Variants in UNC79 observed in about 807,000 individuals in gnomAD.
UNC79 encodes the protein protein unc-79 homolog.
A neutral mutation model predicts 283.1 loss-of-function variants in UNC79; 37 were observed. That is an observed-to-expected ratio of 0.13 (90% CI 0.10 to 0.17). UNC79 has a LOEUF of 0.17. Among genes scored for constraint, UNC79 ranks in the 10% least tolerant of loss-of-function variants. UNC79 has a pLI of 1.00. For missense variants in UNC79, 2,272 were observed against 3,211.1 expected (o/e 0.71, Z 7.07); for synonymous variants, 1,107 against 1,200.2 (o/e 0.92, Z 1.61).
chr14:93,533,214 C>T (rs979519629), intron 11 of UNC79, among the ~76,000 whole-genome samples: 1 of 152,100 alleles, frequency 6.6e-6, no homozygotes, highest in African/African-American at 2.4e-5. Context: ...CTGGCCAGTT[C>T]TGTTCCCTCC....
intron 12 of UNC79, among the ~76,000 whole-genome samples, 199 bp downstream of exon 12, chr14:93,538,417 C>A: frequency 1.3e-5 from 2 of 152,316 alleles, no homozygotes; most frequent in South Asian, 4.2e-4. Flanking sequence ...ATGTGCCACG[C>A]ACTATGCTGG....
intron 14 of UNC79, among the ~76,000 whole-genome samples, chr14:93,567,545 C>T (rs147542327): frequency 2.6e-5 from 4 of 152,004 alleles, no homozygotes; most frequent in African/African-American, 7.2e-5. Flanking sequence ...CTTTTCTGTC[C>T]GTCACTTTCC....
chr14:93,684,092 A>G (rs1042587955), intron 42 of UNC79, among the ~76,000 whole-genome samples: 5 of 152,320 alleles, frequency 3.3e-5, no homozygotes, highest in Non-Finnish European at 2.9e-5. Flanking sequence ...ATTTCTAAGT[A>G]TGTAATGCAA....
At chr14:93,624,677 A>G (rs2067419228) in intron 30 of UNC79, among the ~76,000 whole-genome samples, 1 of 152,158 alleles carries the variant, frequency 6.6e-6, no homozygotes, top group Non-Finnish European at 1.5e-5. Flanking sequence ...AAATGGCATA[A>G]TATTATTTTA....
chr14:93,677,583 G>C (rs887465786), intron 41 of UNC79, among the ~76,000 whole-genome samples: 7 of 152,166 alleles, frequency 4.6e-5, no homozygotes, highest in African/African-American at 1.7e-4. Flanking sequence ...TTCAAGGTGA[G>C]ATTTGTGTGG....
At chr14:93,341,160 T>C (rs2053699860) in intron 1 of UNC79, among the ~76,000 whole-genome samples, 1 of 151,982 alleles carries the variant, frequency 6.6e-6, no homozygotes, top group Admixed American at 6.6e-5. Context: ...AATTTAAAAA[T>C]GAAAAGGTGG....
chr14:93,536,612 C>T lies in UNC79; in HGVS notation c.1123-1377C>T, dbSNP rs1025133420. Among the ~76,000 whole-genome samples the T allele has an allele frequency of 1.7e-4, 26 of 152,170 alleles. 1 individual carries two copies. The highest frequency in any genetic ancestry group is 3.3e-4 in the Admixed American group (5 of 15,278). On this transcript the variant is annotated intron_variant, in intron 11 of 48. Transcript: ENST00000555664. ...CAATTTATAAACCTGCTTCATTAAA[C>T]GTGAGTCAAATGCACAAACCTCTTT...
intron 34 of UNC79, among the ~76,000 whole-genome samples, chr14:93,646,038 T>C (rs1281770449): frequency 1.3e-5 from 2 of 152,182 alleles, no homozygotes; most frequent in African/African-American, 4.8e-5. Context: ...TATGATAACA[T>C]ATAGAATATT....
At chr14:93,539,902 T>G (rs2061295250) in intron 12 of UNC79, among the ~76,000 whole-genome samples, 1 of 152,244 alleles carries the variant, frequency 6.6e-6, no homozygotes, top group Admixed American at 6.5e-5. Flanking sequence ...ATAACTTACT[T>G]TTCTCTATCG....
intron 39 of UNC79, among the ~76,000 whole-genome samples, chr14:93,660,553 ATATATATATATG>A (rs1290714615): frequency 1.4e-4 from 15 of 105,382 alleles, no homozygotes; most frequent in Admixed American, 3.7e-4. Flanking sequence ...ATATATATAT[ATATATATATATG>A]TGTGTGTGTG....
chr14:93,436,545 A>G (rs1274770621), intron 1 of UNC79, among the ~76,000 whole-genome samples: 1 of 151,970 alleles, frequency 6.6e-6, no homozygotes, highest in Non-Finnish European at 1.5e-5. Context: ...GACCAGTTTT[A>G]CTTGGATGCT....
At chr14:93,529,465 C>A in intron 10 of UNC79, 139 bp downstream of exon 10, 1 of 892,040 alleles carries the variant, frequency 1.1e-6, no homozygotes, top group African/African-American at 1.7e-5. Context: ...TGATATGAAG[C>A]ATAATATCAA....
intron 30 of UNC79, among the ~76,000 whole-genome samples, chr14:93,626,636 G>C (rs1273865311): frequency 6.6e-6 from 1 of 152,074 alleles, no homozygotes; most frequent in Non-Finnish European, 1.5e-5. Flanking sequence ...TTCTATTAAA[G>C]TTGTCTCTTC....
rs1464621022 is a variant in UNC79 at position 93,357,773 on chromosome 14, ATG to A, written c.-351+24253_-351+24254del. ...GATATATGGATATATATATATGGAT[ATG>A]TGGATATATGGATATATATATATGG... On this transcript the variant is annotated intron_variant, in intron 1 of 49. Coordinates refer to the UNC79 transcript ENST00000256339. Among the ~76,000 whole-genome samples, 44 of 91,434 alleles carry A rather than the reference ATG, an allele frequency of 4.8e-4. 1 individual carries two copies. The highest frequency in any genetic ancestry group is 1.3e-3 in the African/African-American group (20 of 15,824). The allele number at this position is 91,434 out of a possible 152,430, so 60.0% of individuals were successfully genotyped here.
At chr14:93,338,279 G>A (rs1462803293) in intron 1 of UNC79, among the ~76,000 whole-genome samples, 2 of 152,014 alleles carry the variant, frequency 1.3e-5, no homozygotes, top group Admixed American at 1.3e-4. Context: ...GTTTAAAAGT[G>A]TGCACCACCT....
chr14:93,474,261 G>C lies in UNC79; in HGVS notation c.316G>C (p.Ala106Pro). The C allele has an allele frequency of 1.3e-6, 2 of 1,536,032 alleles. No homozygotes were observed. Among genetic ancestry groups the C allele is most frequent in the Non-Finnish European group, 1.7e-6 (2 of 1,146,856 alleles). Residue 106 changes from alanine (A) to proline (P), a missense_variant, in exon 3 of 49, where the codon GCT becomes CCT. Around this residue, in one of 11 missense-constraint regions of UNC79, gnomAD observed 194 missense variants for 268.9 expected, o/e 0.72. Transcript: ENST00000555664. This position sits in a 1 kb window ranked among gnomAD's most constrained non-coding sequence, Gnocchi z 4.1. The stretch of plus-strand genomic sequence containing the variant: ...CCTCCTTTACAGCGTCCTGCGAGAT[G>C]CTCCCTCAGAACGCGGCCCGCAAAG...
chr14:93,701,264 T>A (rs1004628165), intron 47 of UNC79, among the ~76,000 whole-genome samples: 1 of 152,200 alleles, frequency 6.6e-6, no homozygotes. Flanking sequence ...AAAAACATTG[T>A]TTTTTATAGT....
intron 4 of UNC79, among the ~76,000 whole-genome samples, chr14:93,478,845 T>A (rs1258612339): frequency 6.6e-6 from 1 of 152,220 alleles, no homozygotes; most frequent in African/African-American, 2.4e-5. Flanking sequence ...GTAATAACAA[T>A]TGGTAACCAT....
chr14:93,553,999 A>T (rs2062026468), intron 14 of UNC79, among the ~76,000 whole-genome samples: 1 of 152,248 alleles, frequency 6.6e-6, no homozygotes, highest in Non-Finnish European at 1.5e-5. Context: ...TCTAAACAGC[A>T]AAAATCCTTT....
Sources: allele counts gnomAD v4.1 joint callset (sites outside exome capture counted in the v4.1 genomes callset), GRCh38; gene constraint gnomAD v4.1.1; regional missense constraint gnomAD v4.1.1; non-coding constraint Gnocchi (gnomAD v3.1); transcripts MANE v1.5; gene names NCBI Gene and HGNC (gene_info 2026-07-23, HGNC 2026-07-21).